The following NDST4 variants were observed in gnomAD, a reference collection of about 807,000 sequenced individuals.
The protein encoded by NDST4 is N-deacetylase and N-sulfotransferase 4.
In NDST4, 63 loss-of-function variants were observed where a neutral mutation model predicts 100.8. The ratio of observed to expected loss-of-function variants is 0.62; its 90% CI spans 0.51 to 0.77. NDST4 has a LOEUF of 0.77. Among genes scored for constraint, NDST4 ranks in the 30% least tolerant of loss-of-function variants. The pLI is 0.00. For synonymous variants in NDST4, 377 were observed against 361.8 expected, an observed-to-expected ratio of 1.04 and a Z score of -0.48; for missense variants, 943 against 1,018.4, an observed-to-expected ratio of 0.93 and a Z score of 1.01.
At chr4:115,106,387 A>T (rs986261552) in intron 1 of NDST4, among the ~76,000 whole-genome samples, 2 of 152,088 alleles carry the variant, frequency 1.3e-5, no homozygotes, top group African/African-American at 2.4e-5. Flanking sequence ...GAAATTTTTT[A>T]AAAAAGAAAC....
chr4:115,035,792 G>A (rs907470977), intron 2 of NDST4, among the ~76,000 whole-genome samples: 2 of 151,986 alleles, frequency 1.3e-5, no homozygotes, highest in African/African-American at 4.8e-5. Flanking sequence ...TCACATATGA[G>A]ATAGAAGTGC....
At chr4:114,963,877 T>C (rs1332154167) in intron 4 of NDST4, among the ~76,000 whole-genome samples, 2 of 152,210 alleles carry the variant, frequency 1.3e-5, no homozygotes, top group African/African-American at 4.8e-5. Context: ...GTATTTCTTA[T>C]TTCTAGTTAG....
At chr4:114,885,099 T>C (rs1053464514) in intron 6 of NDST4, among the ~76,000 whole-genome samples, 2 of 152,158 alleles carry the variant, frequency 1.3e-5, no homozygotes, top group African/African-American at 4.8e-5. Context: ...CTTTTTATTA[T>C]ACTAGCAAAA....
chr4:115,039,005 T>C (rs1185043018), intron 2 of NDST4, among the ~76,000 whole-genome samples: 1 of 152,066 alleles, frequency 6.6e-6, no homozygotes, highest in Non-Finnish European at 1.5e-5. Context: ...TCTCAAAATA[T>C]GTTGTCAGCA....
At chr4:114,926,954 C>T (rs552683462) in intron 6 of NDST4, among the ~76,000 whole-genome samples, 23 of 152,052 alleles carry the variant, frequency 1.5e-4, no homozygotes, top group Admixed American at 1.4e-3. Context: ...TGCTTACATA[C>T]ATATGAATTC....
intron 2 of NDST4, among the ~76,000 whole-genome samples, chr4:115,015,952 A>T (rs1159279775): frequency 6.6e-6 from 1 of 152,002 alleles, no homozygotes; most frequent in Non-Finnish European, 1.5e-5. Context: ...GACCACTTCT[A>T]GCATGGAAGG....
At chr4:115,047,568 A>G (rs1042921411) in intron 2 of NDST4, among the ~76,000 whole-genome samples, 11 of 152,134 alleles carry the variant, frequency 7.2e-5, no homozygotes, top group African/African-American at 2.7e-4. Flanking sequence ...TTTGTAATCT[A>G]TTTTACAAGA....
intron 1 of NDST4, among the ~76,000 whole-genome samples, chr4:115,098,002 G>A (rs1475292414): frequency 6.6e-6 from 1 of 151,998 alleles, no homozygotes; most frequent in Non-Finnish European, 1.5e-5. Context: ...AGTTGTTTCC[G>A]GTTTCCCGGT....
intron 1 of NDST4, among the ~76,000 whole-genome samples, chr4:115,105,941 T>G (rs1260280365): frequency 6.6e-6 from 1 of 152,152 alleles, no homozygotes; most frequent in African/African-American, 2.4e-5. Flanking sequence ...TCATATAGCA[T>G]AGTTGCCAGA....
At chr4:114,858,161 C>T (rs891155213) in intron 7 of NDST4, among the ~76,000 whole-genome samples, 1 of 152,182 alleles carries the variant, frequency 6.6e-6, no homozygotes, top group Non-Finnish European at 1.5e-5. Context: ...CTGACAGTAA[C>T]AGCAAATACT....
chr4:114,879,666 G>A (rs1560792086), intron 6 of NDST4, among the ~76,000 whole-genome samples: 1 of 151,956 alleles, frequency 6.6e-6, no homozygotes, highest in African/African-American at 2.4e-5. Flanking sequence ...GCACATAATA[G>A]GTATGCAAAA....
At chr4:114,859,984 T>A (rs1723883086) in intron 7 of NDST4, among the ~76,000 whole-genome samples, 1 of 152,214 alleles carries the variant, frequency 6.6e-6, no homozygotes. Context: ...AAGGCACTCT[T>A]GACTCAAATA....
intron 6 of NDST4, among the ~76,000 whole-genome samples, chr4:114,907,719 C>G (rs1350735578): frequency 6.6e-6 from 1 of 151,446 alleles, no homozygotes; most frequent in African/African-American, 2.4e-5. Flanking sequence ...ACTACCTCAA[C>G]TTGGGGTGGG....
At chr4:115,016,870 G>A (rs1389324824) in intron 2 of NDST4, among the ~76,000 whole-genome samples, 4 of 152,014 alleles carry the variant, frequency 2.6e-5, no homozygotes, top group Non-Finnish European at 5.9e-5. Flanking sequence ...AAGGCAAAAA[G>A]TATATAGAAT....
Position 115,031,710 on chromosome 4 carries a change from C to A in NDST4, c.978+44349G>T, listed in dbSNP as rs184238193. Reference sequence around the variant, plus strand: ...AAACAGAAGAGAGTGAAAAGTTGTCCTAGTAATTATATGCAAAAATGAATC... The same window carrying A: ...AAACAGAAGAGAGTGAAAAGTTGTCATAGTAATTATATGCAAAAATGAATC... On this transcript the variant is annotated intron_variant, in intron 2 of 13. Coordinates refer to ENST00000264363, the MANE Select transcript of NDST4 (RefSeq NM_022569.3). Among the ~76,000 whole-genome samples, 259 of 152,112 alleles carry A rather than the reference C, an allele frequency of 1.7e-3. 1 individual carries two copies. Among genetic ancestry groups the A allele is most frequent in the African/African-American group, 6.0e-3 (250 of 41,520 alleles).
intron 1 of NDST4, among the ~76,000 whole-genome samples, chr4:115,080,970 A>T (rs1267685363): frequency 2.0e-5 from 3 of 152,154 alleles, no homozygotes; most frequent in Non-Finnish European, 2.9e-5. Context: ...AGGACAAGTT[A>T]ATACTTGGTT....
intron 6 of NDST4, among the ~76,000 whole-genome samples, chr4:114,929,838 C>T (rs1167914088): frequency 6.6e-6 from 1 of 152,108 alleles, no homozygotes; most frequent in Non-Finnish European, 1.5e-5. Flanking sequence ...GAAACAGATG[C>T]ATAATCCATG....
intron 6 of NDST4, among the ~76,000 whole-genome samples, chr4:114,907,071 G>T (rs1724964618): frequency 6.6e-6 from 1 of 152,104 alleles, no homozygotes. Context: ...ATATTTCCCA[G>T]ATATGATCCT....
At chr4:115,021,942 T>A (rs1322471477) in intron 2 of NDST4, among the ~76,000 whole-genome samples, 1 of 152,078 alleles carries the variant, frequency 6.6e-6, no homozygotes, top group Non-Finnish European at 1.5e-5. Context: ...ACATTCCATA[T>A]ATATAGTTCC....
Sources: gnomAD v4.1 joint callset for allele counts (sites outside exome capture counted in the v4.1 genomes callset) on GRCh38, gnomAD v4.1.1 for gene constraint, MANE v1.5 for transcripts, NCBI Gene and HGNC (gene_info 2026-07-23, HGNC 2026-07-21) for gene names.